Variants in ZBTB20 observed in about 807,000 individuals in gnomAD.
The protein encoded by ZBTB20 is zinc finger and BTB domain containing 20.
ZBTB20 carries 9 observed loss-of-function variants against 56.9 expected under a neutral mutation model. The ratio of observed to expected loss-of-function variants is 0.16; its 90% confidence interval spans 0.10 to 0.28. ZBTB20 has a LOEUF of 0.28. ZBTB20 is among the 10% of genes least tolerant of loss of function. ZBTB20 has a pLI of 1.00. For synonymous variants in ZBTB20, 417 were observed against 420.7 expected (o/e 0.99, Z 0.11); for missense variants, 655 against 1,003.0 (o/e 0.65, Z 4.69).
intron 7 of ZBTB20, among the ~76,000 whole-genome samples, chr3:114,390,795 C>A (rs888825938): frequency 1.3e-5 from 2 of 152,224 alleles, no homozygotes; most frequent in Non-Finnish European, 2.9e-5. Context: ...ATGAATACAA[C>A]AGGGTCTCTA....
chr3:114,770,350 A>G (rs1973782), intron 5 of ZBTB20, among the ~76,000 whole-genome samples: 135,626 of 151,848 alleles, frequency 0.89, 60,888 homozygotes, highest in East Asian at 0.98. Flanking sequence ...TGAGGCAGGA[A>G]AATCACTTGA....
intron 6 of ZBTB20, among the ~76,000 whole-genome samples, chr3:114,599,834 T>C (rs1210830455): frequency 1.3e-5 from 2 of 151,908 alleles, no homozygotes; most frequent in Non-Finnish European, 2.9e-5. Flanking sequence ...AAATCTTCCT[T>C]AAGATTATTA....
intron 6 of ZBTB20, among the ~76,000 whole-genome samples, chr3:114,572,747 G>A (rs1032102179): frequency 6.6e-6 from 1 of 152,132 alleles, no homozygotes; most frequent in Non-Finnish European, 1.5e-5. Context: ...TGTATATTTC[G>A]AGCCAATAAA....
At chr3:115,101,105 T>C (rs748467799) in intron 1 of ZBTB20, among the ~76,000 whole-genome samples, 20 of 152,218 alleles carry the variant, frequency 1.3e-4, no homozygotes, top group Non-Finnish European at 1.9e-4. Flanking sequence ...AACATCACAA[T>C]GCAATGTACT....
chr3:114,894,591 T>C lies in ZBTB20; in HGVS notation c.-417+5713A>G, dbSNP rs1576254764. 1.3e-5 allele frequency among the ~76,000 whole-genome samples: 2 copies of C among 152,150 alleles called. 1 individual carries two copies. The highest frequency in any genetic ancestry group is 4.1e-4 in the South Asian group (2 of 4,828). Reference sequence around the variant, plus strand: ...AGGGTGGGCCTGAATTCAATATGACTGATGTCCTTATAAAAGCAGAGAAAT... The same window carrying C: ...AGGGTGGGCCTGAATTCAATATGACCGATGTCCTTATAAAAGCAGAGAAAT... On this transcript the variant is annotated intron_variant, in intron 4 of 11. Coordinates refer to ENST00000675478, the MANE Select transcript of ZBTB20 (RefSeq NM_001348800.3).
chr3:114,679,097 T>A (rs2061811403), intron 6 of ZBTB20, among the ~76,000 whole-genome samples: 1 of 152,160 alleles, frequency 6.6e-6, no homozygotes, highest in South Asian at 2.1e-4. Flanking sequence ...AAAATGAAAC[T>A]GGACCCCTTC....
chr3:114,429,683 C>T (rs561728922), intron 7 of ZBTB20, among the ~76,000 whole-genome samples: 29 of 151,332 alleles, frequency 1.9e-4, no homozygotes, highest in African/African-American at 6.6e-4. Flanking sequence ...TCTATATCCG[C>T]AAATGGAAAA....
intron 1 of ZBTB20, among the ~76,000 whole-genome samples, chr3:115,101,899 AG>A (rs2083595732): frequency 2.0e-5 from 3 of 152,230 alleles, no homozygotes; most frequent in African/African-American, 7.2e-5. Context: ...AAAAAAAATC[AG>A]TTTTCAATTA....
At chr3:114,830,120 T>C (rs1220957641) in intron 4 of ZBTB20, among the ~76,000 whole-genome samples, 1 of 151,854 alleles carries the variant, frequency 6.6e-6, no homozygotes, top group East Asian at 1.9e-4. Context: ...ACCTATGCCA[T>C]CCTGAATCCA....
At chr3:114,735,857 T>C (rs2066117623) in intron 5 of ZBTB20, among the ~76,000 whole-genome samples, 1 of 152,094 alleles carries the variant, frequency 6.6e-6, no homozygotes. Flanking sequence ...CCAAAAAGGA[T>C]TCTCACCACT....
chr3:114,554,714 A>T (rs2050995042), intron 6 of ZBTB20, among the ~76,000 whole-genome samples: 1 of 152,078 alleles, frequency 6.6e-6, no homozygotes, highest in Non-Finnish European at 1.5e-5. Context: ...TGTAATCTGG[A>T]TAGGCAGCTA....
At chr3:114,692,674 A>G (rs1461678736) in intron 6 of ZBTB20, among the ~76,000 whole-genome samples, 1 of 152,104 alleles carries the variant, frequency 6.6e-6, no homozygotes. Flanking sequence ...AGCCTCTAGC[A>G]AAGTCAGCTG....
intron 6 of ZBTB20, 40 bp from the exon 7 acceptor site, chr3:114,500,431 G>A (rs926833304): frequency 2.0e-5 from 3 of 152,046 alleles, no homozygotes; most frequent in Non-Finnish European, 2.9e-5. Flanking sequence ...AAAGCAAACC[G>A]ATATATGATG....
chr3:114,730,073 C>T (rs1321764755), intron 5 of ZBTB20, among the ~76,000 whole-genome samples: 1 of 150,290 alleles, frequency 6.7e-6, no homozygotes, highest in Non-Finnish European at 1.5e-5. Context: ...GCTGGGATTA[C>T]AGGTGTGAGC....
At chr3:114,730,313 G>C (rs1309598666) in intron 5 of ZBTB20, among the ~76,000 whole-genome samples, 1 of 152,090 alleles carries the variant, frequency 6.6e-6, no homozygotes, top group Non-Finnish European at 1.5e-5. Flanking sequence ...TGGAACACTA[G>C]GCATAAATGG....
chr3:114,680,192 G>A (rs1407120418), intron 6 of ZBTB20, among the ~76,000 whole-genome samples: 2 of 152,014 alleles, frequency 1.3e-5, no homozygotes, highest in East Asian at 3.8e-4. Context: ...GTAGATGTTG[G>A]GTTGATGGGT....
At chr3:114,592,727 A>T (rs1185015241) in intron 6 of ZBTB20, among the ~76,000 whole-genome samples, 1 of 152,162 alleles carries the variant, frequency 6.6e-6, no homozygotes, top group Non-Finnish European at 1.5e-5. Flanking sequence ...TTTATAGAGA[A>T]CCTTCCACTA....
At chr3:114,901,746 A>G (rs563413907) in intron 3 of ZBTB20, among the ~76,000 whole-genome samples, 3 of 152,260 alleles carry the variant, frequency 2.0e-5, no homozygotes, top group Non-Finnish European at 4.4e-5. Flanking sequence ...ATGCAAATTT[A>G]TAGTATTATG....
At chr3:114,758,489 T>C (rs1265820244) in intron 5 of ZBTB20, among the ~76,000 whole-genome samples, 1 of 152,168 alleles carries the variant, frequency 6.6e-6, no homozygotes, top group Non-Finnish European at 1.5e-5. Context: ...GTGTTTACTT[T>C]TAAAAATAAA....
Sources: allele counts gnomAD v4.1 joint callset (sites outside exome capture counted in the v4.1 genomes callset), GRCh38; gene constraint gnomAD v4.1.1; transcripts MANE v1.5; gene names NCBI Gene and HGNC (gene_info 2026-07-23, HGNC 2026-07-21).